The following EBF1 variants were observed in gnomAD, a reference collection of about 807,000 sequenced individuals.
EBF1 encodes EBF transcription factor 1.
A neutral mutation model predicts 68.4 loss-of-function variants in EBF1; 10 were observed. The ratio of observed to expected loss-of-function variants is 0.15; its 90% CI spans 0.09 to 0.25. The LOEUF (loss-of-function observed/expected upper bound fraction) is 0.25. EBF1 is among the 10% of genes least tolerant of loss of function. EBF1 has a pLI of 1.00. For synonymous variants in EBF1, 298 were observed against 299.8 expected (o/e 0.99, Z 0.06); for missense variants, 509 against 794.4 (o/e 0.64, Z 4.32).
intron 9 of EBF1, among the ~76,000 whole-genome samples, chr5:158,778,543 G>A (rs976471468): frequency 1.4e-4 from 21 of 152,100 alleles, no homozygotes; most frequent in Admixed American, 3.9e-4. Flanking sequence ...GTTCTCATGG[G>A]GATAACTTAG....
At chr5:159,030,196 A>G (rs553419202) in intron 6 of EBF1, among the ~76,000 whole-genome samples, 1 of 152,148 alleles carries the variant, frequency 6.6e-6, no homozygotes, top group Non-Finnish European at 1.5e-5. Context: ...AAAATGTAGA[A>G]GTGCACATGA....
chr5:158,912,271 C>A (rs1245066372), intron 6 of EBF1, among the ~76,000 whole-genome samples: 1 of 152,210 alleles, frequency 6.6e-6, no homozygotes, highest in African/African-American at 2.4e-5. Flanking sequence ...ATCCCAGGGA[C>A]TTACCCACCA....
intron 11 of EBF1, among the ~76,000 whole-genome samples, chr5:158,718,024 T>C (rs1195732057): frequency 2.0e-5 from 3 of 152,154 alleles, no homozygotes; most frequent in Non-Finnish European, 4.4e-5. Context: ...ACAGTTCAAA[T>C]GTAGCTGGCA....
chr5:158,972,582 G>A (rs1413279360), intron 6 of EBF1, among the ~76,000 whole-genome samples: 1 of 152,170 alleles, frequency 6.6e-6, no homozygotes, highest in Non-Finnish European at 1.5e-5. Flanking sequence ...GCCTGTTGTT[G>A]GAAACGCTTC....
intron 6 of EBF1, among the ~76,000 whole-genome samples, chr5:158,940,775 C>CCCCCCCCCCT (rs1813154782): frequency 4.6e-5 from 2 of 43,382 alleles, no homozygotes; most frequent in African/African-American, 1.2e-4. Context: ...CCCCCCCCCC[C>CCCCCCCCCCT]CCCCGCAGGT....
intron 8 of EBF1, among the ~76,000 whole-genome samples, chr5:158,821,049 G>T (rs1410846811): frequency 6.6e-6 from 1 of 152,160 alleles, no homozygotes; most frequent in Non-Finnish European, 1.5e-5. Flanking sequence ...ACAACTGGCT[G>T]GGGCCGAGGG....
At chr5:158,833,982 C>A (rs1420015334) in intron 7 of EBF1, among the ~76,000 whole-genome samples, 1 of 152,156 alleles carries the variant, frequency 6.6e-6, no homozygotes, top group Non-Finnish European at 1.5e-5. Flanking sequence ...TATTTACATT[C>A]ATATATAGTT....
intron 14 of EBF1, among the ~76,000 whole-genome samples, chr5:158,711,496 G>T (rs994575216): frequency 6.6e-6 from 1 of 152,148 alleles, no homozygotes; most frequent in Non-Finnish European, 1.5e-5. Flanking sequence ...GATGGGGTGG[G>T]TGCTAGTTCC....
chr5:159,089,000 T>C (rs1781181545), intron 4 of EBF1, among the ~76,000 whole-genome samples: 1 of 152,096 alleles, frequency 6.6e-6, no homozygotes, highest in Non-Finnish European at 1.5e-5. Context: ...TAAACAACAT[T>C]AACCTCATCT....
intron 6 of EBF1, among the ~76,000 whole-genome samples, chr5:158,940,199 T>C (rs1812935304): frequency 6.6e-6 from 1 of 152,246 alleles, no homozygotes; most frequent in South Asian, 2.1e-4. Flanking sequence ...CTGGGTGTGA[T>C]GGATCCTGCA....
chr5:158,866,424 T>G (rs111436294), intron 6 of EBF1, among the ~76,000 whole-genome samples: 1 of 152,172 alleles, frequency 6.6e-6, no homozygotes, highest in African/African-American at 2.4e-5. Flanking sequence ...CAGCCTAATA[T>G]TTGACAGCTC....
Position 159,096,387 on chromosome 5 carries a change from G to A in EBF1, c.311C>T (p.Thr104Ile). The A allele has an allele frequency of 6.2e-7, 1 of 1,613,744 alleles. No homozygotes were observed. The highest frequency in any genetic ancestry group is 8.5e-7 in the Non-Finnish European group (1 of 1,179,852). The change falls in exon 3 of 16, where the codon ACC (threonine) becomes ATC (isoleucine). Residue 104 changes from threonine (T) to isoleucine (I), a missense_variant. Thr to Ile is a moderately conservative substitution (Grantham distance 89). Transcript: ENST00000313708. Reference sequence around the variant, plus strand: ...AAGCCGGTAGTGAATTCCGTTATTGGTCTTTTCGCTGTTGGCTTCCTGGGT... The same window carrying A: ...AAGCCGGTAGTGAATTCCGTTATTGATCTTTTCGCTGTTGGCTTCCTGGGT... The part of the protein sequence containing the change: ...EKEKEANSEK[T>I]NNGIHYRLQL...
chr5:159,055,920 T>A (rs572190856), intron 6 of EBF1, among the ~76,000 whole-genome samples: 1 of 152,348 alleles, frequency 6.6e-6, no homozygotes, highest in East Asian at 1.9e-4. Context: ...ATTTATTGAA[T>A]AAATTAACAT....
At chr5:158,792,095 C>A (rs1480827838) in intron 9 of EBF1, among the ~76,000 whole-genome samples, 3 of 152,118 alleles carry the variant, frequency 2.0e-5, no homozygotes, top group African/African-American at 2.4e-5. Flanking sequence ...TAATCTCACC[C>A]CACATTAAAC....
At chr5:158,925,334 T>G (rs959014731) in intron 6 of EBF1, among the ~76,000 whole-genome samples, 2 of 152,244 alleles carry the variant, frequency 1.3e-5, no homozygotes, top group Non-Finnish European at 2.9e-5. Flanking sequence ...CCTGTTCACC[T>G]CTTTATTGCC....
chr5:159,078,499 C>T (rs1198351828), intron 5 of EBF1, among the ~76,000 whole-genome samples: 3 of 152,188 alleles, frequency 2.0e-5, no homozygotes, highest in African/African-American at 4.8e-5. Context: ...GACCTTCATC[C>T]GTTCAAAGCA....
chr5:158,845,974 C>T (rs576573384), intron 6 of EBF1, among the ~76,000 whole-genome samples: 4 of 152,298 alleles, frequency 2.6e-5, no homozygotes, highest in Non-Finnish European at 4.4e-5. Context: ...TGAAAAATCA[C>T]GTTTGGATTT....
chr5:158,895,411 G>A (rs1018105104), intron 6 of EBF1, among the ~76,000 whole-genome samples: 1 of 152,146 alleles, frequency 6.6e-6, no homozygotes, highest in Admixed American at 6.5e-5. Flanking sequence ...AATAAAAATC[G>A]TGATGAAAAT....
At chr5:158,710,150 GTTTA>G (rs1758854841) in intron 14 of EBF1, among the ~76,000 whole-genome samples, 1 of 152,132 alleles carries the variant, frequency 6.6e-6, no homozygotes, top group Non-Finnish European at 1.5e-5. Context: ...TGGGCTTTGT[GTTTA>G]TTGTTTTATT....
Sources: gnomAD v4.1 joint callset for allele counts (sites outside exome capture counted in the v4.1 genomes callset) on GRCh38, gnomAD v4.1.1 for gene constraint, MANE v1.5 for transcripts, NCBI Gene and HGNC (gene_info 2026-07-23, HGNC 2026-07-21) for gene names.